Variants in IGSF3 observed in about 807,000 individuals in gnomAD.
The protein encoded by IGSF3 is glu-Trp-Ile EWI motif-containing protein 3.
Under a neutral mutation model 114.4 loss-of-function variants are expected in IGSF3, and 23 were observed. The observed-to-expected ratio is 0.20, with a 90% CI of 0.14 to 0.28. The LOEUF is 0.28. Among genes scored for constraint, IGSF3 ranks in the 10% least tolerant of loss-of-function variants. The pLI, the probability that IGSF3 is intolerant of heterozygous loss-of-function variation, is 1.00. For missense variants in IGSF3, 1,172 were observed against 1,591.5 expected (o/e 0.74, Z 4.48); for synonymous variants, 571 against 645.2 (o/e 0.88, Z 1.74).
Position 116,651,228 on chromosome 1 carries a change from T to G in IGSF3, c.43+15056A>C, listed in dbSNP as rs1557886035. Among the ~76,000 whole-genome samples, 1 of 152,262 alleles carries G rather than the reference T, an allele frequency of 6.6e-6. No homozygotes were observed. Among genetic ancestry groups the G allele is most frequent in the Non-Finnish European group, 1.5e-5 (1 of 68,044 alleles). On this transcript the variant is annotated intron_variant, in intron 2 of 10. Transcript: ENST00000369486. The surrounding 1 kb of genome is among the most constrained non-coding windows in gnomAD (Gnocchi z 4.4). ...CTAAGACTTAAAGGGAAGGCTTCTTTGGCTATGCCAGTATCTCTTTCCTGC... is the reference window on the plus strand; with the variant it reads ...CTAAGACTTAAAGGGAAGGCTTCTTGGGCTATGCCAGTATCTCTTTCCTGC...
chr1:116,582,328 A>T lies in IGSF3; in HGVS notation c.2848+2317T>A, dbSNP rs915094497. ...GACCTCTGCCCCTGCTGTCTGCGTG[A>T]CACTAACAGCTCCCCTGGATCTCAC... On this transcript the variant is annotated intron_variant, in intron 9 of 10. Coordinates refer to ENST00000369486, the MANE Select transcript of IGSF3 (RefSeq NM_001007237.3). The surrounding 1 kb of genome is among the most constrained non-coding windows in gnomAD (Gnocchi z 4.7). Among the ~76,000 whole-genome samples, 63 of 152,186 alleles carry T rather than the reference A, an allele frequency of 4.1e-4. 1 individual carries two copies. Among genetic ancestry groups the T allele is most frequent in the African/African-American group, 1.5e-3 (61 of 41,442 alleles).
intron 5 of IGSF3, among the ~76,000 whole-genome samples, chr1:116,606,040 C>T (rs1055384689): frequency 6.6e-6 from 1 of 152,236 alleles, no homozygotes; most frequent in African/African-American, 2.4e-5. Context: ...CCTGGTGCCT[C>T]ACTGCCCACT....
Position 116,632,895 on chromosome 1 carries a change from C to G in IGSF3, c.44-16438G>C, listed in dbSNP as rs887286. Among the ~76,000 whole-genome samples the G allele has an allele frequency of 2.0e-5, 3 of 152,212 alleles. No homozygotes were observed. The highest frequency in any genetic ancestry group is 4.1e-4 in the South Asian group (2 of 4,838). On this transcript the variant is annotated intron_variant, in intron 2 of 10. Transcript: ENST00000369486. This position sits in a 1 kb window ranked among gnomAD's most constrained non-coding sequence, Gnocchi z 5.1. ...CAGTGACATCAGTGTGTTTACCAAGCATTTGATTTACTTGCTCAGGCAAAA... is the reference window on the plus strand; with the variant it reads ...CAGTGACATCAGTGTGTTTACCAAGGATTTGATTTACTTGCTCAGGCAAAA...
rs1288341117 is a variant in IGSF3 at position 116,667,708 on chromosome 1, C to A, written c.-721G>T. 1 of 151,610 alleles carries A rather than the reference C, an allele frequency of 6.6e-6. No homozygotes were observed. The highest frequency in any genetic ancestry group is 1.5e-5 in the Non-Finnish European group (1 of 67,886). The allele number at this position is 151,610 out of a possible 1,614,324, so 9.4% of individuals were successfully genotyped here. A position where few individuals can be genotyped will look rare whatever the true frequency, so the allele number is the denominator to read the frequency against. Reference sequence around the variant, plus strand: ...CAGGGGACGCGCCGCTTCCTCTTCTCCCGCAACGGCACCAGCAGCCGCGCT... The same window carrying A: ...CAGGGGACGCGCCGCTTCCTCTTCTACCGCAACGGCACCAGCAGCCGCGCT... On this transcript the variant is annotated 5_prime_UTR_variant, in exon 1 of 11. Transcript: ENST00000369486.
At position 116,605,698 on chromosome 1, in the gene IGSF3, T is replaced by C. The variant is rs1182616273; in HGVS notation, c.1223-1673A>G. On this transcript the variant is annotated intron_variant, in intron 5 of 10. Transcript: ENST00000369486. The surrounding 1 kb of genome is among the most constrained non-coding windows in gnomAD (Gnocchi z 5.1). ...GATCAGATGAGGTACTTATTTTTCA[T>C]CATCATTAATAACAACAATATTCCT... Among the ~76,000 whole-genome samples the C allele has an allele frequency of 1.3e-5, 2 of 152,192 alleles. No individual in the cohort carries two copies. Among genetic ancestry groups the C allele is most frequent in the Non-Finnish European group, 2.9e-5 (2 of 68,038 alleles).
In IGSF3 at chr1:116,618,308, T is replaced by C. The variant is rs891263652; in HGVS notation, c.44-1851A>G. On this transcript the variant is annotated intron_variant, in intron 2 of 10. Transcript: ENST00000369486. The surrounding 1 kb of genome is among the most constrained non-coding windows in gnomAD (Gnocchi z 4.7). ...ATATTCTGGTTGATGGCATTAATTA[T>C]GATATTTAAAGTAACCATGAGGACA... 6.6e-6 allele frequency among the ~76,000 whole-genome samples: 1 copy of C among 152,230 alleles called. No individual in the cohort carries two copies. The highest frequency in any genetic ancestry group is 2.4e-5 in the African/African-American group (1 of 41,450).
At position 116,585,277 on chromosome 1, in the gene IGSF3, G is replaced by A. The variant is rs1469729184; in HGVS notation, c.2441-225C>T. On this transcript the variant is annotated intron_variant, in intron 8 of 10. Coordinates refer to ENST00000369486, the MANE Select transcript of IGSF3 (RefSeq NM_001007237.3). This position sits in a 1 kb window ranked among gnomAD's most constrained non-coding sequence, Gnocchi z 4.9. ...GGAGCTCAATGTTACAATAACAGCT[G>A]TCCCAAAGTCGTAGCCCTCATCAGT... 6.6e-6 allele frequency among the ~76,000 whole-genome samples: 1 copy of A among 152,154 alleles called. No individual in the cohort carries two copies. Among genetic ancestry groups the A allele is most frequent in the African/African-American group, 2.4e-5 (1 of 41,418 alleles).
chr1:116,585,585 C>T lies in IGSF3; in HGVS notation c.2441-533G>A, dbSNP rs1659806931. Among the ~76,000 whole-genome samples, 2 of 152,212 alleles carry T rather than the reference C, an allele frequency of 1.3e-5. No homozygotes were observed. The highest frequency in any genetic ancestry group is 4.8e-5 in the African/African-American group (2 of 41,446). Reference sequence around the variant, plus strand: ...TCCAACATCCTTACAAAAACCCACACAGGTTCCTTCTCAGGTTGGGAATGG... The same window carrying T: ...TCCAACATCCTTACAAAAACCCACATAGGTTCCTTCTCAGGTTGGGAATGG... On this transcript the variant is annotated intron_variant, in intron 8 of 10. Transcript: ENST00000369486. This position sits in a 1 kb window ranked among gnomAD's most constrained non-coding sequence, Gnocchi z 4.9.
rs1266300765 is a variant in IGSF3 at position 116,647,108 on chromosome 1, A to G, written c.43+19176T>C. On this transcript the variant is annotated intron_variant, in intron 2 of 10. Coordinates refer to ENST00000369486, the MANE Select transcript of IGSF3 (RefSeq NM_001007237.3). This position sits in a 1 kb window ranked among gnomAD's most constrained non-coding sequence, Gnocchi z 4.6. ...AGGGCAGCAATAAAAACTGGGGGAC[A>G]CTTAGAGGCAAAGGTATGGCAGGTG... Among the ~76,000 whole-genome samples the G allele has an allele frequency of 3.9e-5, 6 of 152,236 alleles. No homozygotes were observed. Among genetic ancestry groups the G allele is most frequent in the Non-Finnish European group, 8.8e-5 (6 of 68,036 alleles).
intron 9 of IGSF3, among the ~76,000 whole-genome samples, chr1:116,580,899 T>C (rs1300592485): frequency 1.3e-5 from 2 of 152,246 alleles, no homozygotes; most frequent in African/African-American, 4.8e-5. Context: ...GGAAGCATTC[T>C]TCCCTAGAGC....
In IGSF3 at chr1:116,603,841, C is replaced by T. The variant is rs1047375430; in HGVS notation, c.1407G>A (p.Val469=). 1 of 1,613,924 alleles carries T rather than the reference C, an allele frequency of 6.2e-7. No homozygotes were observed. The highest frequency in any genetic ancestry group is 1.3e-5 in the African/African-American group (1 of 74,932). The part of the protein sequence containing the change: ...NIMWLDRDGT[V]QPGSSYWERS... The stretch of plus-strand genomic sequence containing the variant: ...GCTCCCAGTAGGACGAGCCTGGCTG[C>T]ACGGTGCCATCCCGGTCTAGCCACA... The change falls in exon 6 of 11, where the codon GTG becomes GTA. Residue 469 remains valine (V), a synonymous_variant. Coordinates refer to ENST00000369486, the MANE Select transcript of IGSF3 (RefSeq NM_001007237.3). The surrounding 1 kb of genome is among the most constrained non-coding windows in gnomAD (Gnocchi z 7.1).
rs1660354438 is a variant in IGSF3, at chr1:116,596,556, C to T, written c.2029+3385G>A. ...AGGAACCTCTACCAATGTCTTATGA[C>T]CCCAACTTCCAAAAAACAAATTTAA... On this transcript the variant is annotated intron_variant, in intron 7 of 10. Transcript: ENST00000369486. This position sits in a 1 kb window ranked among gnomAD's most constrained non-coding sequence, Gnocchi z 4.1. Among the ~76,000 whole-genome samples the T allele has an allele frequency of 6.6e-6, 1 of 152,156 alleles. No homozygotes were observed. The highest frequency in any genetic ancestry group is 1.5e-5 in the Non-Finnish European group (1 of 68,030).
At position 116,651,367 on chromosome 1, in the gene IGSF3, T is replaced by G. The variant is rs1363673779; in HGVS notation, c.43+14917A>C. 1.3e-5 allele frequency among the ~76,000 whole-genome samples: 2 copies of G among 152,180 alleles called. No individual in the cohort carries two copies. The highest frequency in any genetic ancestry group is 2.9e-5 in the Non-Finnish European group (2 of 68,032). On this transcript the variant is annotated intron_variant, in intron 2 of 10. Coordinates refer to ENST00000369486, the MANE Select transcript of IGSF3 (RefSeq NM_001007237.3). The surrounding 1 kb of genome is among the most constrained non-coding windows in gnomAD (Gnocchi z 4.4). Reference sequence around the variant, plus strand: ...CAAGCACTCCAGACCCAAATACACATGCTCCCACCTGAGGCTGGGAAATGT... The same window carrying G: ...CAAGCACTCCAGACCCAAATACACAGGCTCCCACCTGAGGCTGGGAAATGT...
At chr1:116,623,018 C>T (rs1661468096) in intron 2 of IGSF3, among the ~76,000 whole-genome samples, 1 of 152,238 alleles carries the variant, frequency 6.6e-6, no homozygotes, top group South Asian at 2.1e-4. Flanking sequence ...CTAAGTGCTT[C>T]ATGGAACTTA....
chr1:116,603,654 C>T lies in IGSF3; in HGVS notation c.1594G>A (p.Ala532Thr). Residue 532 changes from alanine to threonine, a missense_variant, in exon 6 of 11, where the codon GCC becomes ACC. Around this residue, in one of 3 missense-constraint regions of IGSF3, gnomAD observed 736 missense variants for 1,042.0 expected, o/e 0.71. Coordinates refer to ENST00000369486, the MANE Select transcript of IGSF3 (RefSeq NM_001007237.3). This position sits in a 1 kb window ranked among gnomAD's most constrained non-coding sequence, Gnocchi z 7.1. Reference sequence around the variant, plus strand: ...GCTGTGATGGAGATGGGAGTGCTGGCCCGGCGCTCCCCAACAATCTGCCAC... The same window carrying T: ...GCTGTGATGGAGATGGGAGTGCTGGTCCGGCGCTCCCCAACAATCTGCCAC... The part of the protein sequence containing the change: ...GEWQIVGERR[A>T]STPISITALE... 6.2e-7 allele frequency: 1 copy of T among 1,613,756 alleles called. No homozygotes were observed. Among genetic ancestry groups the T allele is most frequent in the Non-Finnish European group, 8.5e-7 (1 of 1,179,780 alleles).
At position 116,576,969 on chromosome 1, in the gene IGSF3, T is replaced by C. The variant is rs1412968214; in HGVS notation, c.*343A>G. The stretch of plus-strand genomic sequence containing the variant: ...GTAAACTAAAGGGATTTAAAAAGAG[T>C]ACATTACAAAGAATAAGAAGCCCTG... On this transcript the variant is annotated 3_prime_UTR_variant, in exon 11 of 11. Transcript: ENST00000369486. This position sits in a 1 kb window ranked among gnomAD's most constrained non-coding sequence, Gnocchi z 4.6. 4.8e-6 allele frequency: 1 copy of C among 209,282 alleles called. No homozygotes were observed. Among genetic ancestry groups the C allele is most frequent in the East Asian group, 1.2e-4 (1 of 8,684 alleles). 13.0% of individuals were successfully genotyped at this position (209,282 alleles called of 1,614,324 possible).
rs1661144501 is a variant in IGSF3, at chr1:116,614,556, C to G, written c.422-381G>C. Among the ~76,000 whole-genome samples the G allele has an allele frequency of 6.6e-6, 1 of 152,324 alleles. No individual in the cohort carries two copies. Among genetic ancestry groups the G allele is most frequent in the South Asian group, 2.1e-4 (1 of 4,824 alleles). On this transcript the variant is annotated intron_variant, in intron 3 of 10. Coordinates refer to ENST00000369486, the MANE Select transcript of IGSF3 (RefSeq NM_001007237.3). The surrounding 1 kb of genome is among the most constrained non-coding windows in gnomAD (Gnocchi z 4.5). The stretch of plus-strand genomic sequence containing the variant: ...TGAGATACTTTAACTTCACTTCTGA[C>G]TGATCCTGTAATGGAAATGCCTCCT...
At chr1:116,609,684 C>T (rs1660938421) in intron 4 of IGSF3, among the ~76,000 whole-genome samples, 1 of 152,062 alleles carries the variant, frequency 6.6e-6, no homozygotes, top group African/African-American at 2.4e-5. Flanking sequence ...CATGTAGATT[C>T]ATTAGCTCTG....
At position 116,593,319 on chromosome 1, in the gene IGSF3, G is replaced by T. The variant is rs1660200706; in HGVS notation, c.2030-4215C>A. Among the ~76,000 whole-genome samples the T allele has an allele frequency of 6.6e-6, 1 of 152,234 alleles. No homozygotes were observed. The highest frequency in any genetic ancestry group is 2.1e-4 in the South Asian group (1 of 4,832). On this transcript the variant is annotated intron_variant, in intron 7 of 10. Transcript: ENST00000369486. This position sits in a 1 kb window ranked among gnomAD's most constrained non-coding sequence, Gnocchi z 4.5. ...TGCTGAGGTGGTTGCCGGTAAGTCT[G>T]GAGAAGGTGGTTTCTGTGCAGTGCT...
Sources: allele counts gnomAD v4.1 joint callset (sites outside exome capture counted in the v4.1 genomes callset), GRCh38; gene constraint gnomAD v4.1.1; regional missense constraint gnomAD v4.1.1; non-coding constraint Gnocchi (gnomAD v3.1); transcripts MANE v1.5; gene names NCBI Gene and HGNC (gene_info 2026-07-23, HGNC 2026-07-21).